Variants in LMCD1 observed in about 807,000 individuals in gnomAD.
The protein encoded by LMCD1 is LIM and cysteine rich domains 1.
A neutral mutation model predicts 42.7 loss-of-function variants in LMCD1; 32 were observed. The ratio of observed to expected loss-of-function variants is 0.75; its 90% CI spans 0.57 to 1.01. LMCD1 has a LOEUF of 1.01. Ranked by LOEUF, LMCD1 falls within the 50% of genes least tolerant of loss-of-function variation. LMCD1 has a pLI of 0.00. For missense variants in LMCD1, 458 were observed against 483.1 expected, an observed-to-expected ratio of 0.95 and a Z score of 0.49; for synonymous variants, 178 against 184.9, an observed-to-expected ratio of 0.96 and a Z score of 0.30.
intron 1 of LMCD1, among the ~76,000 whole-genome samples, chr3:8,514,540 T>C (rs1281301293): frequency 1.3e-5 from 2 of 152,188 alleles, no homozygotes; most frequent in East Asian, 3.8e-4. Context: ...TCACAGATAT[T>C]CACAAAAAAA....
At chr3:8,542,606 C>A (rs9836284) in intron 3 of LMCD1, among the ~76,000 whole-genome samples, 72,115 of 152,078 alleles carry the variant, frequency 0.47, 17,764 homozygotes, top group Non-Finnish European at 0.52. Flanking sequence ...TGATGCTTAC[C>A]CAGCCCGCTC....
intron 4 of LMCD1, among the ~76,000 whole-genome samples, chr3:8,562,661 G>A (rs935315419): frequency 6.6e-6 from 1 of 152,176 alleles, no homozygotes; most frequent in African/African-American, 2.4e-5. Flanking sequence ...CTCCTGCTAA[G>A]GTGGTCCCTG....
chr3:8,537,253 G>T lies in LMCD1; in HGVS notation c.200G>T (p.Arg67Leu). ...HCLTSDLEDD[R>L]KIGRLLMDSK... ...CTAACATCTGACCTAGAAGACGATC[G>T]GAAAATTGGCCGCTTGCTGATGGAC... Residue 67 changes from arginine to leucine, a missense_variant, in exon 3 of 6, where the codon CGG becomes CTG. Transcript: ENST00000157600. 1 of 1,614,142 alleles carries T rather than the reference G, an allele frequency of 6.2e-7. No homozygotes were observed. Among genetic ancestry groups the T allele is most frequent in the Non-Finnish European group, 8.5e-7 (1 of 1,180,036 alleles).
chr3:8,516,346 C>T (rs947366409), intron 1 of LMCD1, among the ~76,000 whole-genome samples: 48 of 152,152 alleles, frequency 3.2e-4, no homozygotes, highest in African/African-American at 1.1e-3. Flanking sequence ...CCTCTCATAG[C>T]TCAGACAGCT....
intron 4 of LMCD1, among the ~76,000 whole-genome samples, chr3:8,553,752 A>T (rs1352005975): frequency 6.6e-6 from 1 of 152,198 alleles, no homozygotes; most frequent in African/African-American, 2.4e-5. Context: ...GAGGCAGGAT[A>T]TCATGGGAAG....
At chr3:8,557,539 T>C (rs183259179) in intron 4 of LMCD1, among the ~76,000 whole-genome samples, 4 of 152,264 alleles carry the variant, frequency 2.6e-5, no homozygotes, top group African/African-American at 9.6e-5. Context: ...TTATTGCTGA[T>C]TTAGAGCCTT....
At chr3:8,567,372 TC>T (rs1486027149) in intron 5 of LMCD1, 67 bp from the exon 6 acceptor site, 1 of 1,525,438 alleles carries the variant, frequency 6.6e-7, no homozygotes, top group African/African-American at 1.4e-5. Context: ...CTATAACTTG[TC>T]CTAGATATAC....
At chr3:8,515,921 G>T (rs187272063) in intron 1 of LMCD1, among the ~76,000 whole-genome samples, 88 of 152,192 alleles carry the variant, frequency 5.8e-4, no homozygotes, top group African/African-American at 2.0e-3. Context: ...TGGGGGGAGT[G>T]GGGAGGAGAC....
chr3:8,557,192 C>T (rs1487716730), intron 4 of LMCD1, among the ~76,000 whole-genome samples: 1 of 152,104 alleles, frequency 6.6e-6, no homozygotes, highest in Admixed American at 6.5e-5. Flanking sequence ...AAACAGAACT[C>T]AAGAGAGCTA....
chr3:8,535,544 A>G (rs1040669795), intron 2 of LMCD1, among the ~76,000 whole-genome samples: 2 of 152,194 alleles, frequency 1.3e-5, no homozygotes, highest in South Asian at 4.1e-4. Flanking sequence ...CTTTGCACTA[A>G]AGAGAGGTGT....
intron 1 of LMCD1, among the ~76,000 whole-genome samples, chr3:8,528,706 TG>T (rs1489395086): frequency 6.6e-6 from 1 of 152,132 alleles, no homozygotes; most frequent in African/African-American, 2.4e-5. Flanking sequence ...AATTCCCAGT[TG>T]CATTTTCTCT....
In LMCD1 at chr3:8,570,790, CT is replaced by C. The variant is rs1286676848; in HGVS notation, c.*3193del. 1 of 152,218 alleles carries C rather than the reference CT, an allele frequency of 6.6e-6. No individual in the cohort carries two copies. The highest frequency in any genetic ancestry group is 2.4e-5 in the African/African-American group (1 of 41,462). 9.4% of individuals were successfully genotyped at this position (152,218 alleles called of 1,614,324 possible). A position where few individuals can be genotyped will look rare whatever the true frequency, so the allele number is the denominator to read the frequency against. Reference sequence around the variant, plus strand: ...TTGCACACACAGAAAAAAATTGAAACTGTTTTACCTTGCAGTCGAGTTTCTT... The same window carrying C: ...TTGCACACACAGAAAAAAATTGAAACGTTTTACCTTGCAGTCGAGTTTCTT... On this transcript the variant is annotated 3_prime_UTR_variant, in exon 6 of 6. Coordinates refer to ENST00000157600, the MANE Select transcript of LMCD1 (RefSeq NM_014583.4).
At position 8,570,830 on chromosome 3, in the gene LMCD1, CA is replaced by C. The variant is rs1317693666; in HGVS notation, c.*3234del. ...GTCGAGTTTCTTATTTTTCCTGCCC[CA>C]ACCCTCCTTCCTTCCTGTTATCCTT... On this transcript the variant is annotated 3_prime_UTR_variant, in exon 6 of 6. Transcript: ENST00000157600. 1 of 152,170 alleles carries C rather than the reference CA, an allele frequency of 6.6e-6. No homozygotes were observed. The allele number at this position is 152,170 out of a possible 1,614,324, so 9.4% of individuals were successfully genotyped here. A position where few individuals can be genotyped will look rare whatever the true frequency, so the allele number is the denominator to read the frequency against.
At chr3:8,550,721 A>C in intron 4 of LMCD1, 1 of 965,282 alleles carries the variant, frequency 1.0e-6, no homozygotes, top group Non-Finnish European at 1.2e-6. Flanking sequence ...TGGTCTATAA[A>C]CTGGTCTTTT....
intron 5 of LMCD1, 59 bp downstream of exon 5, chr3:8,565,706 C>T: frequency 6.8e-7 from 1 of 1,470,208 alleles, no homozygotes; most frequent in Non-Finnish European, 9.3e-7. Flanking sequence ...AGGGTAAAAG[C>T]CCAGAGGCCA....
chr3:8,538,945 G>A (rs779605180), intron 3 of LMCD1, among the ~76,000 whole-genome samples: 8 of 152,162 alleles, frequency 5.3e-5, no homozygotes, highest in Non-Finnish European at 8.8e-5. Flanking sequence ...CACAGTCTTT[G>A]TGACCTGGAC....
At chr3:8,528,229 G>C (rs893488785) in intron 1 of LMCD1, among the ~76,000 whole-genome samples, 11 of 152,114 alleles carry the variant, frequency 7.2e-5, no homozygotes, top group African/African-American at 2.4e-4. Context: ...GGGCCGGGGG[G>C]ACAGGATGGA....
chr3:8,502,406 A>AT (rs1479383419), intron 1 of LMCD1, among the ~76,000 whole-genome samples: 2 of 80,214 alleles, frequency 2.5e-5, no homozygotes, highest in East Asian at 6.3e-4. Context: ...AAATATATAT[A>AT]ATATATAATA....
intron 4 of LMCD1, chr3:8,550,152 A>G: frequency 3.0e-6 from 4 of 1,345,128 alleles, no homozygotes; most frequent in Admixed American, 3.1e-5. Context: ...TGAAAGCCTC[A>G]TGGCTTGGTT....
Sources: allele counts gnomAD v4.1 joint callset (sites outside exome capture counted in the v4.1 genomes callset), GRCh38; gene constraint gnomAD v4.1.1; transcripts MANE v1.5; gene names NCBI Gene and HGNC (gene_info 2026-07-23, HGNC 2026-07-21).